PKNOX1: variants seen among roughly 807,000 people sequenced by gnomAD.
PKNOX1 encodes the protein homeobox protein PKNOX1.
A neutral mutation model predicts 51.9 loss-of-function variants in PKNOX1; 15 were observed. That is an observed-to-expected ratio of 0.29 (90% CI 0.19 to 0.45). PKNOX1 has a LOEUF of 0.45. Among genes scored for constraint, PKNOX1 ranks in the 20% least tolerant of loss-of-function variants. PKNOX1 has a pLI of 1.00. For synonymous variants in PKNOX1, 219 were observed against 211.1 expected (o/e 1.04, Z -0.32); for missense variants, 462 against 547.5 (o/e 0.84, Z 1.56).
intron 5 of PKNOX1, 43 bp from the exon 6 acceptor site, chr21:43,016,865 C>T (rs759312371): frequency 9.1e-6 from 12 of 1,319,414 alleles, no homozygotes; most frequent in South Asian, 7.6e-5. Flanking sequence ...ATGGGTTTTC[C>T]GTTTTCTAGT....
intron 3 of PKNOX1, 128 bp downstream of exon 3, chr21:43,007,746 C>A: frequency 2.0e-6 from 2 of 1,020,992 alleles, no homozygotes; most frequent in South Asian, 1.5e-5. Context: ...GATAACTGCT[C>A]GGCTGAAAAT....
At chr21:42,999,718 A>G (rs1226186743) in intron 1 of PKNOX1, among the ~76,000 whole-genome samples, 1 of 152,094 alleles carries the variant, frequency 6.6e-6, no homozygotes, top group African/African-American at 2.4e-5. Flanking sequence ...TGACCTCATG[A>G]TCCTCCTGCC....
intron 5 of PKNOX1, among the ~76,000 whole-genome samples, chr21:43,013,445 C>T (rs1003650391): frequency 2.6e-5 from 4 of 152,178 alleles, no homozygotes; most frequent in African/African-American, 9.7e-5. Context: ...ACTGGGCCCC[C>T]GGTCCCATGT....
At chr21:43,027,766 A>G (rs1980044944) in intron 9 of PKNOX1, among the ~76,000 whole-genome samples, 1 of 152,118 alleles carries the variant, frequency 6.6e-6, no homozygotes, top group South Asian at 2.1e-4. Flanking sequence ...AAATACAAAA[A>G]TGAGCTGGGC....
Position 42,987,405 on chromosome 21 carries a change from AT to A in PKNOX1, c.-57+12742del, listed in dbSNP as rs1190171699. On this transcript the variant is annotated intron_variant, in intron 1 of 10. Transcript: ENST00000291547. ...CTCAAAAAAAAAAAAAAAAAAAAAA[AT>A]ATATATATATATATATATATATGTA... Among the ~76,000 whole-genome samples the A allele has an allele frequency of 4.8e-3, 337 of 70,126 alleles. 1 individual carries two copies. The highest frequency in any genetic ancestry group is 0.011 in the African/African-American group (214 of 19,678). 46.0% of individuals were successfully genotyped at this position (70,126 alleles called of 152,430 possible).
chr21:42,981,671 C>T lies in PKNOX1; in HGVS notation c.-57+7007C>T, dbSNP rs761182947. 2.2e-4 allele frequency among the ~76,000 whole-genome samples: 34 copies of T among 151,954 alleles called. No homozygotes were observed. The Middle Eastern group carries it at 0.014, about 62-fold the overall frequency. ...AGCTTCTGGGCTCAAGTAATCTTCC[C>T]GCCACAGCCCCCAAAGTAGCTGGGA... On this transcript the variant is annotated intron_variant, in intron 1 of 10. Transcript: ENST00000291547.
intron 1 of PKNOX1, among the ~76,000 whole-genome samples, chr21:42,982,496 A>G (rs2059031730): frequency 6.6e-6 from 1 of 152,048 alleles, no homozygotes; most frequent in Non-Finnish European, 1.5e-5. Flanking sequence ...TTGGGAGGCC[A>G]AGGTGGGTGG....
rs967853947 is a variant in PKNOX1, at chr21:43,031,006, T to C, written c.*905T>C. ...TGATCTAAACATATATCGAAAGATA[T>C]CTGCTAAACAGGACTTCAGGTAAGT... is the stretch of plus-strand genomic sequence containing the variant. On this transcript the variant is annotated 3_prime_UTR_variant, in exon 11 of 11. Transcript: ENST00000291547. The C allele has an allele frequency of 6.6e-6, 1 of 152,554 alleles. No individual in the cohort carries two copies. The highest frequency in any genetic ancestry group is 2.4e-5 in the African/African-American group (1 of 41,448). 9.5% of individuals were successfully genotyped at this position (152,554 alleles called of 1,614,324 possible). A position where few individuals can be genotyped will look rare whatever the true frequency, so the allele number is the denominator to read the frequency against.
rs376710901 is a variant in PKNOX1 at position 43,001,268 on chromosome 21, G to A, written c.-56-3058G>A. ...AGGCTGCTGTTGAAAGCGGTTTCCA[G>A]CCTTTTCTGTTACCAGTGGCTCCCA... is the stretch of plus-strand genomic sequence containing the variant. On this transcript the variant is annotated intron_variant, in intron 1 of 10. Transcript: ENST00000291547. Among the ~76,000 whole-genome samples, 8 of 152,348 alleles carry A rather than the reference G, an allele frequency of 5.3e-5. No individual in the cohort carries two copies. The South Asian group carries it at 6.2e-4, about 12-fold the overall frequency.
In PKNOX1 at chr21:43,010,665, C is replaced by T. The variant is rs1048665674; in HGVS notation, c.351+441C>T. Among the ~76,000 whole-genome samples the T allele has an allele frequency of 6.6e-5, 10 of 151,986 alleles. No homozygotes were observed. The East Asian group carries it at 1.9e-3, about 30-fold the overall frequency. ...AGGAGTTCGAGACCAGCCTGGCCAACATCTGGTCTCGATGTTGGCCAAAAT... is the reference window on the plus strand; with the variant it reads ...AGGAGTTCGAGACCAGCCTGGCCAATATCTGGTCTCGATGTTGGCCAAAAT... On this transcript the variant is annotated intron_variant, in intron 4 of 10. Transcript: ENST00000291547.
At chr21:43,009,761 T>C (rs1457797387) in intron 3 of PKNOX1, among the ~76,000 whole-genome samples, 3 of 152,006 alleles carry the variant, frequency 2.0e-5, no homozygotes, top group African/African-American at 2.4e-5. Flanking sequence ...GAGGCAAATA[T>C]ATAGAGATAG....
In PKNOX1 at chr21:42,979,480, C is replaced by T. The variant is rs1035369555; in HGVS notation, c.-57+4816C>T. Among the ~76,000 whole-genome samples, 14 of 152,172 alleles carry T rather than the reference C, an allele frequency of 9.2e-5. No homozygotes were observed. The South Asian group carries it at 1.7e-3, about 18-fold the overall frequency. On this transcript the variant is annotated intron_variant, in intron 1 of 10. Transcript: ENST00000291547. The stretch of plus-strand genomic sequence containing the variant: ...GCTTATAGCCAGGCGCAGTGGCTGA[C>T]GCCTGTAATCCCAGCACTTTGGGAG...
intron 1 of PKNOX1, among the ~76,000 whole-genome samples, chr21:42,987,398 AAAAAAAATAT>A (rs1424812747): frequency 2.2e-5 from 2 of 91,838 alleles, no homozygotes; most frequent in African/African-American, 9.8e-5. Flanking sequence ...AAAAAAAAAA[AAAAAAAATAT>A]ATATATATAT....
intron 1 of PKNOX1, among the ~76,000 whole-genome samples, chr21:42,981,080 C>T (rs2059022997): frequency 1.3e-5 from 2 of 152,232 alleles, no homozygotes; most frequent in Admixed American, 1.3e-4. Context: ...AAGGAAGTGG[C>T]TGCAGGCCCT....
At chr21:43,019,425 A>AT (rs922690142) in intron 7 of PKNOX1, among the ~76,000 whole-genome samples, 2 of 143,522 alleles carry the variant, frequency 1.4e-5, no homozygotes, top group Non-Finnish European at 3.1e-5. Flanking sequence ...AAAAACACAC[A>AT]TTTTTTTGAG....
At chr21:43,007,640 G>A (rs146524379) in intron 3 of PKNOX1, 22 bp downstream of exon 3, 23,421 of 1,613,850 alleles carry the variant, frequency 0.015, 199 homozygotes, top group Non-Finnish European at 0.017. Context: ...GGTGCCGGCT[G>A]TGGGGGCCTC....
At chr21:43,004,672 A>G (rs1978912752) in intron 2 of PKNOX1, among the ~76,000 whole-genome samples, 1 of 152,198 alleles carries the variant, frequency 6.6e-6, no homozygotes, top group Admixed American at 6.5e-5. Flanking sequence ...TTTCTTGGGA[A>G]TTTACCTTTT....
rs1471262585 is a variant in PKNOX1, at chr21:43,031,620, A to G, written c.*1519A>G. 2 of 152,540 alleles carry G rather than the reference A, an allele frequency of 1.3e-5. No individual in the cohort carries two copies. Among genetic ancestry groups the G allele is most frequent in the Admixed American group, 1.3e-4 (2 of 15,334 alleles). 9.4% of individuals were successfully genotyped at this position (152,540 alleles called of 1,614,324 possible). On this transcript the variant is annotated 3_prime_UTR_variant, in exon 11 of 11. Transcript: ENST00000291547. ...ATGTCTTCATATCATCTGAAATGGT[A>G]TGGCTGAAGTTCATTTGTTTACAGG... is the stretch of plus-strand genomic sequence containing the variant.
intron 9 of PKNOX1, among the ~76,000 whole-genome samples, chr21:43,028,424 C>A (rs1172489764): frequency 7.0e-6 from 1 of 143,180 alleles, no homozygotes; most frequent in Non-Finnish European, 1.5e-5. Context: ...ATCTAGTTCA[C>A]AAACATGCCC....
Sources: gnomAD v4.1 joint callset for allele counts (sites outside exome capture counted in the v4.1 genomes callset) on GRCh38, gnomAD v4.1.1 for gene constraint, MANE v1.5 for transcripts, NCBI Gene and HGNC (gene_info 2026-07-23, HGNC 2026-07-21) for gene names.